Variants in TSHZ2 observed in about 807,000 individuals in gnomAD.
TSHZ2 encodes the protein teashirt zinc finger homeobox 2, also known as teashirt homolog 2.
In TSHZ2, 21 loss-of-function variants were observed where a neutral mutation model predicts 74.4. That is an observed-to-expected ratio of 0.28 (90% CI 0.20 to 0.41). TSHZ2 has a LOEUF of 0.41. TSHZ2 is among the 10% of genes least tolerant of loss of function. The pLI is 1.00. For missense variants in TSHZ2, 1,244 were observed against 1,293.5 expected (o/e 0.96, Z 0.59); for synonymous variants, 540 against 515.3 (o/e 1.05, Z -0.65).
At chr20:53,190,567 A>G (rs1988715442) in intron 1 of TSHZ2, among the ~76,000 whole-genome samples, 1 of 152,146 alleles carries the variant, frequency 6.6e-6, no homozygotes, top group African/African-American at 2.4e-5. Context: ...AAAATAAAAG[A>G]TGTGCTGTAT....
At chr20:52,994,743 T>G (rs1982118841) in intron 1 of TSHZ2, among the ~76,000 whole-genome samples, 1 of 152,160 alleles carries the variant, frequency 6.6e-6, no homozygotes, top group Admixed American at 6.5e-5. Flanking sequence ...TTGGCCACTC[T>G]GAGTGTTTTT....
intron 1 of TSHZ2, among the ~76,000 whole-genome samples, chr20:53,012,312 C>G (rs1243697844): frequency 6.6e-6 from 1 of 152,108 alleles, no homozygotes. Context: ...AGTTAGCCAC[C>G]AATCGGCCTT....
chr20:53,438,604 A>T (rs369491549), intron 2 of TSHZ2, among the ~76,000 whole-genome samples: 1 of 152,182 alleles, frequency 6.6e-6, no homozygotes, highest in Admixed American at 6.5e-5. Context: ...GTAGCTTGGA[A>T]GTGGGGTGAG....
intron 2 of TSHZ2, among the ~76,000 whole-genome samples, chr20:53,476,722 C>T (rs2145847629): frequency 6.8e-6 from 1 of 146,318 alleles, no homozygotes; most frequent in South Asian, 2.3e-4. Context: ...GTCAAATTGT[C>T]CCTGTTTGCA....
At chr20:53,380,268 T>G (rs1981812305) in intron 2 of TSHZ2, among the ~76,000 whole-genome samples, 1 of 152,164 alleles carries the variant, frequency 6.6e-6, no homozygotes, top group African/African-American at 2.4e-5. Flanking sequence ...GAGGTGATTT[T>G]AGGTAAAATG....
chr20:53,001,238 G>GTGTGTGTGTA (rs1568713599), intron 1 of TSHZ2, among the ~76,000 whole-genome samples: 1 of 146,150 alleles, frequency 6.8e-6, no homozygotes, highest in Non-Finnish European at 1.5e-5. Context: ...GTGTGTGTGT[G>GTGTGTGTGTA]TGTGTGTGTG....
intron 2 of TSHZ2, among the ~76,000 whole-genome samples, chr20:53,430,219 C>T (rs1983790244): frequency 1.3e-5 from 2 of 152,116 alleles, no homozygotes; most frequent in Admixed American, 1.3e-4. Flanking sequence ...ATTCTCCTGC[C>T]TCAGCCTCCC....
At chr20:53,447,133 T>A (rs559994158) in intron 2 of TSHZ2, among the ~76,000 whole-genome samples, 12 of 152,336 alleles carry the variant, frequency 7.9e-5, no homozygotes, top group South Asian at 6.2e-4. Context: ...TGCATAAGCA[T>A]AACCCAACAG....
rs568611852 is a variant in TSHZ2, at chr20:52,995,007, G to C, written c.40+21674G>C. 9.2e-5 allele frequency among the ~76,000 whole-genome samples: 14 copies of C among 152,316 alleles called. No homozygotes were observed. In the South Asian group the frequency reaches 2.9e-3, roughly 32 times the overall value. On this transcript the variant is annotated intron_variant, in intron 1 of 2. Transcript: ENST00000371497. ...ACAGAGCTGTGAAGTAATTAGTTCAGATGGAAGACACATAGTGGAGCCAGG... is the reference window on the plus strand; with the variant it reads ...ACAGAGCTGTGAAGTAATTAGTTCACATGGAAGACACATAGTGGAGCCAGG...
intron 1 of TSHZ2, among the ~76,000 whole-genome samples, chr20:53,115,573 TTTA>T (rs1986647004): frequency 1.3e-5 from 2 of 152,204 alleles, no homozygotes; most frequent in African/African-American, 4.8e-5. Flanking sequence ...CAAGTATGTC[TTTA>T]TTAGCAGCAT....
intron 1 of TSHZ2, among the ~76,000 whole-genome samples, chr20:53,162,896 T>C (rs571496738): frequency 2.0e-5 from 3 of 152,362 alleles, no homozygotes; most frequent in South Asian, 2.1e-4. Context: ...GTTATAAATA[T>C]AACATCTACT....
chr20:53,278,040 A>G (rs373911213), intron 2 of TSHZ2, among the ~76,000 whole-genome samples: 12 of 152,346 alleles, frequency 7.9e-5, no homozygotes, highest in African/African-American at 2.9e-4. Flanking sequence ...GTCATAATTC[A>G]AAGCTCATAT....
intron 2 of TSHZ2, among the ~76,000 whole-genome samples, chr20:53,435,373 G>C (rs911404711): frequency 1.3e-5 from 2 of 152,116 alleles, no homozygotes; most frequent in Non-Finnish European, 2.9e-5. Flanking sequence ...TAAGATGACT[G>C]TTTCCTTCTT....
chr20:53,139,808 C>A (rs151211482), intron 1 of TSHZ2, among the ~76,000 whole-genome samples: 1 of 152,170 alleles, frequency 6.6e-6, no homozygotes, highest in Admixed American at 6.5e-5. Context: ...TGAATCCATT[C>A]GACTGTTTAT....
chr20:53,330,301 A>G (rs1979674153), intron 2 of TSHZ2, among the ~76,000 whole-genome samples: 1 of 152,200 alleles, frequency 6.6e-6, no homozygotes, highest in South Asian at 2.1e-4. Context: ...GCATAACTAT[A>G]GGGCAATAAC....
chr20:53,420,583 G>A (rs570946934), intron 2 of TSHZ2, among the ~76,000 whole-genome samples: 9 of 152,156 alleles, frequency 5.9e-5, no homozygotes, highest in East Asian at 1.9e-4. Context: ...AAAATTAGCC[G>A]GGCTTAGTGG....
At chr20:53,113,852 T>C (rs997889062) in intron 1 of TSHZ2, among the ~76,000 whole-genome samples, 2 of 152,096 alleles carry the variant, frequency 1.3e-5, no homozygotes, top group African/African-American at 4.8e-5. Context: ...AACTCCATAA[T>C]GGGATCCAGA....
chr20:53,227,984 G>A (rs914874845), intron 1 of TSHZ2, among the ~76,000 whole-genome samples: 9 of 148,492 alleles, frequency 6.1e-5, no homozygotes, highest in African/African-American at 9.9e-5. Flanking sequence ...GCCCAAGTAC[G>A]TAGCAAACTG....
intron 1 of TSHZ2, among the ~76,000 whole-genome samples, chr20:53,161,023 C>T (rs1987920041): frequency 8.3e-6 from 1 of 119,776 alleles, no homozygotes; most frequent in Admixed American, 8.0e-5. Flanking sequence ...AAAGAAACAG[C>T]AAAATGTTTG....
Sources: gnomAD v4.1 joint callset for allele counts (sites outside exome capture counted in the v4.1 genomes callset) on GRCh38, gnomAD v4.1.1 for gene constraint, MANE v1.5 for transcripts, NCBI Gene and HGNC (gene_info 2026-07-23, HGNC 2026-07-21) for gene names.